Variants in KMT2C observed in about 807,000 individuals in gnomAD.
The protein encoded by KMT2C is histone-lysine N-methyltransferase 2C.
KMT2C carries 88 observed loss-of-function variants against 507.9 expected under a neutral mutation model. The ratio of observed to expected loss-of-function variants is 0.17; its 90% CI spans 0.15 to 0.21. The LOEUF (loss-of-function observed/expected upper bound fraction) is 0.21. KMT2C is among the 10% of genes least tolerant of loss of function. KMT2C has a pLI of 1.00. For synonymous variants in KMT2C, 2,049 were observed against 2,080.8 expected (o/e 0.98, Z 0.42); for missense variants, 4,954 against 5,957.8 (o/e 0.83, Z 5.55).
At chr7:152,280,340 A>T (rs191426440) in intron 6 of KMT2C, among the ~76,000 whole-genome samples, 327 of 152,260 alleles carry the variant, frequency 2.1e-3, no homozygotes, top group African/African-American at 7.7e-3. Context: ...CATGAGATCA[A>T]GACCATCCTG....
chr7:152,227,686 A>T (rs1431122682), intron 18 of KMT2C, among the ~76,000 whole-genome samples: 1 of 152,242 alleles, frequency 6.6e-6, no homozygotes, highest in Non-Finnish European at 1.5e-5. Flanking sequence ...AGTACTCAAA[A>T]TGAAGAAGCA....
At chr7:152,147,980 AGC>A in intron 52 of KMT2C, 51 bp downstream of exon 52, 3 of 1,483,220 alleles carry the variant, frequency 2.0e-6, no homozygotes, top group Middle Eastern at 2.2e-4. Flanking sequence ...TACATTCATT[AGC>A]CTGACATCAG....
At chr7:152,157,798 T>C in intron 44 of KMT2C, 1 of 1,317,798 alleles carries the variant, frequency 7.6e-7, no homozygotes, top group South Asian at 1.2e-5. Context: ...CGAAACCCCT[T>C]CCAGGGTAGC....
chr7:152,420,540 A>C (rs895622320), intron 1 of KMT2C, among the ~76,000 whole-genome samples: 13 of 152,218 alleles, frequency 8.5e-5, no homozygotes, highest in East Asian at 1.9e-4. Context: ...CAAACTATGC[A>C]TTCAACAAAG....
chr7:152,338,418 A>G (rs956172841), intron 2 of KMT2C, among the ~76,000 whole-genome samples: 7 of 152,182 alleles, frequency 4.6e-5, no homozygotes, highest in African/African-American at 1.7e-4. Context: ...AAGACTGAAA[A>G]TAAAAATAGG....
chr7:152,356,501 G>T (rs527417565), intron 2 of KMT2C, among the ~76,000 whole-genome samples: 1 of 152,046 alleles, frequency 6.6e-6, no homozygotes, highest in African/African-American at 2.4e-5. Flanking sequence ...ACTTGAACCT[G>T]GGAGGCGGAG....
chr7:152,378,413 T>C (rs572438311), intron 1 of KMT2C, among the ~76,000 whole-genome samples: 16 of 152,396 alleles, frequency 1.0e-4, no homozygotes, highest in African/African-American at 3.6e-4. Flanking sequence ...TACAATTTAC[T>C]GAAAGCTCAG....
intron 1 of KMT2C, among the ~76,000 whole-genome samples, chr7:152,410,035 T>C (rs2097664856): frequency 6.6e-6 from 1 of 152,268 alleles, no homozygotes; most frequent in Non-Finnish European, 1.5e-5. Context: ...TACTCTTAAA[T>C]CAACCAACTT....
At chr7:152,156,545 A>G (rs761427277) in intron 44 of KMT2C, among the ~76,000 whole-genome samples, 199 bp from the exon 45 acceptor site, 15 of 152,182 alleles carry the variant, frequency 9.9e-5, no homozygotes, top group Non-Finnish European at 2.1e-4. Flanking sequence ...GATTTTATGG[A>G]CATACCAACT....
intron 58 of KMT2C, chr7:152,137,335 C>G (rs1213905433): frequency 5.9e-6 from 1 of 170,924 alleles, no homozygotes; most frequent in Non-Finnish European, 1.2e-5. Context: ...TGCCAGCTAA[C>G]TCTGTTTTCC....
chr7:152,269,667 C>T (rs550668944), intron 7 of KMT2C, among the ~76,000 whole-genome samples: 1 of 152,286 alleles, frequency 6.6e-6, no homozygotes, highest in Admixed American at 6.5e-5. Context: ...CTCTTGACTA[C>T]TAATCAAATT....
intron 1 of KMT2C, among the ~76,000 whole-genome samples, chr7:152,389,547 T>C (rs1430778666): frequency 6.6e-6 from 1 of 152,116 alleles, no homozygotes; most frequent in African/African-American, 2.4e-5. Flanking sequence ...CTCGAACTCT[T>C]GGCCTCAAGC....
chr7:152,390,878 G>C (rs891564827), intron 1 of KMT2C, among the ~76,000 whole-genome samples: 4 of 152,062 alleles, frequency 2.6e-5, no homozygotes, highest in African/African-American at 9.7e-5. Flanking sequence ...CAGGAGCAAC[G>C]GCTCACGCCT....
At chr7:152,271,227 G>A (rs536713830) in intron 7 of KMT2C, among the ~76,000 whole-genome samples, 2 of 152,094 alleles carry the variant, frequency 1.3e-5, no homozygotes, top group South Asian at 4.1e-4. Context: ...ACACAATTAG[G>A]ATAGGAAAAA....
chr7:152,234,578 C>T (rs1043289474), intron 16 of KMT2C, among the ~76,000 whole-genome samples: 1 of 152,046 alleles, frequency 6.6e-6, no homozygotes, highest in African/African-American at 2.4e-5. Flanking sequence ...TATGCTGATA[C>T]CAAAACCAGA....
At chr7:152,187,067 G>T (rs957572185) in intron 33 of KMT2C, among the ~76,000 whole-genome samples, 195 bp downstream of exon 33, 5 of 151,990 alleles carry the variant, frequency 3.3e-5, no homozygotes, top group African/African-American at 4.8e-5. Flanking sequence ...CTAATTTTTG[G>T]GAAATATGAG....
Position 152,195,393 on chromosome 7 carries a change from A to G in KMT2C, c.4378+514T>C, listed in dbSNP as rs557167301. The stretch of plus-strand genomic sequence containing the variant: ...TAGCCACACACAAAAAGGGAAAAGC[A>G]AAGTATGGATTAGTGACAAATTAGC... On this transcript the variant is annotated intron_variant, in intron 28 of 58. Transcript: ENST00000262189. 21 of 254,804 alleles carry G rather than the reference A, an allele frequency of 8.2e-5. No homozygotes were observed. In the South Asian group the frequency reaches 2.0e-3, roughly 25 times the overall value. The allele number at this position is 254,804 out of a possible 1,614,324, so 15.8% of individuals were successfully genotyped here.
chr7:152,401,079 T>C (rs1489817278), intron 1 of KMT2C, among the ~76,000 whole-genome samples: 5 of 151,772 alleles, frequency 3.3e-5, no homozygotes, highest in Admixed American at 1.3e-4. Context: ...ATCATAATAA[T>C]GTAGAAACTA....
intron 26 of KMT2C, among the ~76,000 whole-genome samples, chr7:152,199,694 G>A (rs2094073903): frequency 6.6e-6 from 1 of 152,014 alleles, no homozygotes; most frequent in Non-Finnish European, 1.5e-5. Flanking sequence ...ACAAAATTAT[G>A]GAAATAAAAC....
Sources: gnomAD v4.1 joint callset for allele counts (sites outside exome capture counted in the v4.1 genomes callset) on GRCh38, gnomAD v4.1.1 for gene constraint, MANE v1.5 for transcripts, NCBI Gene and HGNC (gene_info 2026-07-23, HGNC 2026-07-21) for gene names.